The following GPR158 variants were observed in gnomAD, a reference collection of about 807,000 sequenced individuals.
GPR158 encodes G protein-coupled receptor 158, also known as metabotropic glycine receptor.
In GPR158, 30 loss-of-function variants were observed where a neutral mutation model predicts 78.2. The ratio of observed to expected loss-of-function variants is 0.38; its 90% CI spans 0.29 to 0.52. The LOEUF is 0.52. GPR158 is among the 20% of genes least tolerant of loss of function. GPR158 has a pLI of 0.83. For synonymous variants in GPR158, 581 were observed against 591.1 expected (o/e 0.98, Z 0.25); for missense variants, 1,463 against 1,523.5 (o/e 0.96, Z 0.66).
At chr10:25,423,776 G>T (rs909607491) in intron 4 of GPR158, among the ~76,000 whole-genome samples, 9 of 152,082 alleles carry the variant, frequency 5.9e-5, no homozygotes, top group Non-Finnish European at 1.0e-4. Context: ...TCTTAATCCA[G>T]TCTATCATTG....
intron 2 of GPR158, among the ~76,000 whole-genome samples, chr10:25,322,798 T>C (rs1854970488): frequency 6.6e-6 from 1 of 152,196 alleles, no homozygotes; most frequent in Admixed American, 6.5e-5. Context: ...CTTGGGTGAC[T>C]GTGTCCATTG....
intron 5 of GPR158, among the ~76,000 whole-genome samples, chr10:25,535,338 ACTCT>A (rs981519321): frequency 9.3e-5 from 14 of 150,402 alleles, no homozygotes; most frequent in African/African-American, 3.4e-4. Context: ...TTGCTAGAAG[ACTCT>A]CTCTTGCTGG....
chr10:25,448,661 G>A (rs142229716), intron 4 of GPR158, among the ~76,000 whole-genome samples: 32 of 152,332 alleles, frequency 2.1e-4, no homozygotes, highest in African/African-American at 7.2e-4. Flanking sequence ...CAGGGCAGAT[G>A]TGTGTTTAAT....
chr10:25,527,629 A>C (rs1304276001), intron 5 of GPR158, among the ~76,000 whole-genome samples: 1 of 152,170 alleles, frequency 6.6e-6, no homozygotes, highest in East Asian at 1.9e-4. Context: ...CATTAGAAAA[A>C]ATATGAACTA....
chr10:25,549,933 T>G (rs935525107), intron 5 of GPR158, among the ~76,000 whole-genome samples: 1 of 152,186 alleles, frequency 6.6e-6, no homozygotes, highest in African/African-American at 2.4e-5. Flanking sequence ...TGTTACGACC[T>G]TGCTTTTAGC....
intron 4 of GPR158, among the ~76,000 whole-genome samples, chr10:25,427,243 G>T (rs941873182): frequency 6.6e-6 from 1 of 152,042 alleles, no homozygotes; most frequent in Non-Finnish European, 1.5e-5. Context: ...CACTGTATTA[G>T]TGACATGGGA....
intron 5 of GPR158, among the ~76,000 whole-genome samples, chr10:25,503,708 G>A (rs1835972605): frequency 6.6e-6 from 1 of 152,140 alleles, no homozygotes; most frequent in African/African-American, 2.4e-5. Flanking sequence ...TGAAAACCAA[G>A]TTCTTGTCCT....
intron 2 of GPR158, among the ~76,000 whole-genome samples, chr10:25,314,946 C>A (rs996409256): frequency 4.1e-5 from 6 of 146,680 alleles, no homozygotes; most frequent in African/African-American, 1.3e-4. Flanking sequence ...GGAGGAAGGA[C>A]ATTTTGTATA....
intron 7 of GPR158, among the ~76,000 whole-genome samples, chr10:25,575,291 A>G (rs796867262): frequency 2.6e-5 from 4 of 152,194 alleles, no homozygotes; most frequent in Admixed American, 2.0e-4. Flanking sequence ...GATATAATGA[A>G]TCGGTAAATT....
chr10:25,328,810 C>G (rs997212125), intron 2 of GPR158, among the ~76,000 whole-genome samples: 1 of 150,806 alleles, frequency 6.6e-6, no homozygotes, highest in Non-Finnish European at 1.5e-5. Context: ...ACCTGTAATC[C>G]CAGATGATTG....
intron 5 of GPR158, among the ~76,000 whole-genome samples, chr10:25,535,294 C>T (rs1320951943): frequency 6.6e-6 from 1 of 152,206 alleles, no homozygotes. Context: ...AATGTGACTT[C>T]CACAATGAGG....
intron 2 of GPR158, among the ~76,000 whole-genome samples, chr10:25,289,600 T>C (rs1854405163): frequency 1.3e-5 from 2 of 151,838 alleles, no homozygotes; most frequent in South Asian, 4.2e-4. Flanking sequence ...CCCCGGCTAA[T>C]TTTTTGTATT....
At chr10:25,400,232 G>T (rs1476160405) in intron 3 of GPR158, among the ~76,000 whole-genome samples, 1 of 152,042 alleles carries the variant, frequency 6.6e-6, no homozygotes, top group African/African-American at 2.4e-5. Flanking sequence ...AAACAGAAAG[G>T]ATATAGAGCA....
intron 2 of GPR158, among the ~76,000 whole-genome samples, chr10:25,302,724 A>G (rs1260402699): frequency 6.6e-6 from 1 of 152,202 alleles, no homozygotes; most frequent in African/African-American, 2.4e-5. Flanking sequence ...TGCAGATCAA[A>G]AACAGTTTGG....
chr10:25,466,047 C>A (rs551694936), intron 4 of GPR158: 1 of 151,888 alleles, frequency 6.6e-6, no homozygotes, highest in Non-Finnish European at 1.5e-5. Flanking sequence ...AACTCACAGG[C>A]GGATAGAAAA....
chr10:25,500,974 G>A (rs763014639), intron 5 of GPR158, among the ~76,000 whole-genome samples: 1 of 152,166 alleles, frequency 6.6e-6, no homozygotes, highest in Non-Finnish European at 1.5e-5. Context: ...AGGAAAATGT[G>A]CTTTAAGAGT....
intron 3 of GPR158, among the ~76,000 whole-genome samples, chr10:25,411,803 T>C (rs824605): frequency 0.7 from 105,771 of 151,138 alleles, 37,994 homozygotes; most frequent in Non-Finnish European, 0.8. Context: ...GGCGTGGTGG[T>C]GGGCACCTGT....
In GPR158 at chr10:25,231,479, C is replaced by T. The variant is rs934158881; in HGVS notation, c.1008+10322C>T. Reference sequence around the variant, plus strand: ...GTTTGGAGTCTGCTCCTGAATGACACTGCTTTTATACAATCTATGTCACTG... The same window carrying T: ...GTTTGGAGTCTGCTCCTGAATGACATTGCTTTTATACAATCTATGTCACTG... On this transcript the variant is annotated intron_variant, in intron 2 of 10. Coordinates refer to ENST00000376351, the MANE Select transcript of GPR158 (RefSeq NM_020752.3). 5.9e-5 allele frequency among the ~76,000 whole-genome samples: 9 copies of T among 152,148 alleles called. 1 individual carries two copies. The highest frequency in any genetic ancestry group is 2.6e-4 in the Admixed American group (4 of 15,272).
At chr10:25,370,314 A>G (rs1833968522) in intron 2 of GPR158, among the ~76,000 whole-genome samples, 1 of 146,508 alleles carries the variant, frequency 6.8e-6, no homozygotes, top group Non-Finnish European at 1.5e-5. Context: ...TAGTGCTATA[A>G]ATTTCCCTCT....
Sources: gnomAD v4.1 joint callset for allele counts (sites outside exome capture counted in the v4.1 genomes callset) on GRCh38, gnomAD v4.1.1 for gene constraint, MANE v1.5 for transcripts, NCBI Gene and HGNC (gene_info 2026-07-23, HGNC 2026-07-21) for gene names.